Variants in NRG3 observed in about 807,000 individuals in gnomAD.
NRG3 encodes the protein neuregulin 3, also known as pro-neuregulin-3, membrane-bound isoform.
In NRG3, 31 loss-of-function variants were observed where a neutral mutation model predicts 66.9. The ratio of observed to expected loss-of-function variants is 0.46; its 90% CI spans 0.35 to 0.63. NRG3 has a LOEUF of 0.63. NRG3 is among the 20% of genes least tolerant of loss of function. The pLI is 0.00. For missense variants in NRG3, 910 were observed against 878.9 expected, an observed-to-expected ratio of 1.04 and a Z score of -0.45; for synonymous variants, 393 against 359.4, an observed-to-expected ratio of 1.09 and a Z score of -1.06.
intron 2 of NRG3, among the ~76,000 whole-genome samples, chr10:82,690,571 G>C (rs1292748499): frequency 1.3e-5 from 2 of 152,116 alleles, no homozygotes; most frequent in African/African-American, 4.8e-5. Flanking sequence ...TCTACATAGA[G>C]TGTAACTGAG....
intron 1 of NRG3, among the ~76,000 whole-genome samples, chr10:82,011,772 A>G (rs2061586754): frequency 6.6e-6 from 1 of 152,200 alleles, no homozygotes; most frequent in South Asian, 2.1e-4. Flanking sequence ...CTTTGACTCC[A>G]TGTCTCACAT....
intron 1 of NRG3, among the ~76,000 whole-genome samples, chr10:81,892,035 G>C (rs1014893587): frequency 6.6e-6 from 1 of 152,074 alleles, no homozygotes. Flanking sequence ...TTGGACATTT[G>C]TCAGTTTGGC....
chr10:82,122,479 C>G (rs935817611), intron 1 of NRG3, among the ~76,000 whole-genome samples: 1 of 152,152 alleles, frequency 6.6e-6, no homozygotes, highest in Non-Finnish European at 1.5e-5. Context: ...GGCCATTACA[C>G]AGTCTGATGA....
chr10:82,617,012 C>T (rs1435795595), intron 2 of NRG3, among the ~76,000 whole-genome samples: 1 of 152,142 alleles, frequency 6.6e-6, no homozygotes, highest in African/African-American at 2.4e-5. Context: ...TATTTCTGGG[C>T]ATACGTATTG....
At chr10:81,961,122 G>A (rs972215941) in intron 1 of NRG3, among the ~76,000 whole-genome samples, 2 of 152,090 alleles carry the variant, frequency 1.3e-5, no homozygotes, top group African/African-American at 4.8e-5. Context: ...AATGAAGGAG[G>A]TGTGACTTGG....
At chr10:82,604,557 C>T (rs1358049823) in intron 2 of NRG3, among the ~76,000 whole-genome samples, 2 of 151,978 alleles carry the variant, frequency 1.3e-5, no homozygotes, top group Non-Finnish European at 2.9e-5. Context: ...CCAACGAGTG[C>T]AATGTTTGGA....
chr10:82,548,048 T>G (rs897569718), intron 2 of NRG3, among the ~76,000 whole-genome samples: 1 of 150,778 alleles, frequency 6.6e-6, no homozygotes, highest in Non-Finnish European at 1.5e-5. Flanking sequence ...CGTTTTTTTT[T>G]TTTTTTTTTT....
At chr10:82,474,378 A>G (rs1841564053) in intron 2 of NRG3, among the ~76,000 whole-genome samples, 1 of 152,186 alleles carries the variant, frequency 6.6e-6, no homozygotes, top group Admixed American at 6.5e-5. Flanking sequence ...AATCAGGAAT[A>G]TTATATATGA....
chr10:82,107,599 C>T (rs1169088301), intron 1 of NRG3, among the ~76,000 whole-genome samples: 1 of 152,192 alleles, frequency 6.6e-6, no homozygotes, highest in Admixed American at 6.5e-5. Flanking sequence ...AACTAGGATT[C>T]AGATGCACAG....
intron 2 of NRG3, among the ~76,000 whole-genome samples, chr10:82,443,536 T>C (rs1564927213): frequency 5.9e-5 from 9 of 152,160 alleles, no homozygotes. Flanking sequence ...ATTTTTTTCA[T>C]ATGGGACAAC....
chr10:82,224,719 A>T (rs969294573), intron 1 of NRG3, among the ~76,000 whole-genome samples: 2 of 152,214 alleles, frequency 1.3e-5, no homozygotes, highest in East Asian at 3.8e-4. Flanking sequence ...AACAGAACAC[A>T]TCAAAATAAA....
intron 2 of NRG3, among the ~76,000 whole-genome samples, chr10:82,622,091 A>G (rs2049077993): frequency 6.6e-6 from 1 of 152,218 alleles, no homozygotes. Context: ...TGCAGAGCCT[A>G]CTTTGCAAGG....
intron 1 of NRG3, among the ~76,000 whole-genome samples, chr10:82,238,423 TG>T (rs2076854201): frequency 6.6e-6 from 1 of 152,158 alleles, no homozygotes; most frequent in Non-Finnish European, 1.5e-5. Flanking sequence ...ATTTTGCCAG[TG>T]GGGAAAGAGT....
chr10:82,320,854 A>T (rs1243696547), intron 1 of NRG3, among the ~76,000 whole-genome samples: 1 of 152,154 alleles, frequency 6.6e-6, no homozygotes, highest in Admixed American at 6.5e-5. Flanking sequence ...AATCTGGCTT[A>T]CCATATCTGC....
intron 1 of NRG3, among the ~76,000 whole-genome samples, chr10:82,216,317 T>C (rs1369110051): frequency 2.0e-5 from 3 of 151,844 alleles, no homozygotes; most frequent in Admixed American, 6.6e-5. Flanking sequence ...CCAGATTATA[T>C]TTTTTAGAAC....
At chr10:82,381,819 T>C (rs1589923499) in intron 2 of NRG3, among the ~76,000 whole-genome samples, 2 of 152,154 alleles carry the variant, frequency 1.3e-5, no homozygotes, top group East Asian at 3.9e-4. Flanking sequence ...TCACCTTTCA[T>C]AGCAAGAAGG....
At chr10:82,468,514 C>T (rs1429601831) in intron 2 of NRG3, among the ~76,000 whole-genome samples, 1 of 152,130 alleles carries the variant, frequency 6.6e-6, no homozygotes, top group Non-Finnish European at 1.5e-5. Flanking sequence ...CCACCATCTC[C>T]CTGCTGACCA....
intron 4 of NRG3, among the ~76,000 whole-genome samples, chr10:82,909,505 G>A (rs1429592435): frequency 6.7e-6 from 1 of 150,234 alleles, no homozygotes; most frequent in Middle Eastern, 3.4e-3. Context: ...ACCCCAAGGG[G>A]AAAAAAAAAG....
chr10:82,660,334 C>T (rs147505296), intron 2 of NRG3, among the ~76,000 whole-genome samples: 15 of 149,316 alleles, frequency 1.0e-4, no homozygotes, highest in African/African-American at 3.7e-4. Flanking sequence ...GTTTTCTTGA[C>T]AGTGTTAAAA....
Sources: gnomAD v4.1 joint callset for allele counts (sites outside exome capture counted in the v4.1 genomes callset) on GRCh38, gnomAD v4.1.1 for gene constraint, MANE v1.5 for transcripts, NCBI Gene and HGNC (gene_info 2026-07-23, HGNC 2026-07-21) for gene names.